CECR2: variants seen among roughly 807,000 people sequenced by gnomAD.
CECR2 encodes the protein CECR2 histone acetyl-lysine reader.
A neutral mutation model predicts 154.5 loss-of-function variants in CECR2; 30 were observed. The observed-to-expected ratio is 0.19, with a 90% CI of 0.15 to 0.26. The LOEUF is 0.26. Among genes scored for constraint, CECR2 ranks in the 10% least tolerant of loss-of-function variants. The pLI is 1.00. For synonymous variants in CECR2, 725 were observed against 683.7 expected (o/e 1.06, Z -0.94); for missense variants, 1,743 against 1,829.3 (o/e 0.95, Z 0.86).
chr22:17,483,206 A>G lies in CECR2; in HGVS notation c.221+5524A>G, dbSNP rs2055359922. Among the ~76,000 whole-genome samples the G allele has an allele frequency of 3.3e-5, 5 of 152,222 alleles. 1 individual carries two copies. The South Asian group carries it at 1.0e-3, about 31-fold the overall frequency. On this transcript the variant is annotated intron_variant, in intron 2 of 18. Transcript: ENST00000262608. ...TGTGTTTTTGTCTTCCTTTTGAACA[A>G]AACAGATCAAATGTAAAAAACAAAA...
At chr22:17,443,812 A>G (rs983600542) in intron 1 of CECR2, among the ~76,000 whole-genome samples, 3 of 152,074 alleles carry the variant, frequency 2.0e-5, no homozygotes, top group African/African-American at 7.2e-5. Context: ...AGCTCTTAAG[A>G]TCAGCCTGAC....
At chr22:17,476,006 C>T (rs1009340227) in intron 1 of CECR2, among the ~76,000 whole-genome samples, 11 of 150,662 alleles carry the variant, frequency 7.3e-5, no homozygotes, top group Non-Finnish European at 1.6e-4. Context: ...CATTGTCTCC[C>T]GAAGAAAGGC....
At chr22:17,390,353 C>G (rs1427296442) in intron 1 of CECR2, among the ~76,000 whole-genome samples, 1 of 152,316 alleles carries the variant, frequency 6.6e-6, no homozygotes, top group Middle Eastern at 3.4e-3. Context: ...GCAGTTACAT[C>G]ACTTTCATTG....
intron 13 of CECR2, 110 bp from the exon 14 acceptor site, chr22:17,540,302 A>T (rs1355403059): frequency 2.0e-6 from 2 of 1,014,126 alleles, no homozygotes; most frequent in East Asian, 5.9e-5. Flanking sequence ...ATTTATTAGA[A>T]TTGTCTTTTG....
chr22:17,532,734 TTG>T (rs2056377749), intron 9 of CECR2, among the ~76,000 whole-genome samples: 1 of 106,138 alleles, frequency 9.4e-6, no homozygotes, highest in African/African-American at 3.5e-5. Flanking sequence ...TTTTTTTTTT[TTG>T]AGATGGAGTC....
intron 8 of CECR2, among the ~76,000 whole-genome samples, chr22:17,519,459 C>T (rs2056118950): frequency 6.6e-6 from 1 of 151,962 alleles, no homozygotes; most frequent in Non-Finnish European, 1.5e-5. Flanking sequence ...CAGGGTTCAC[C>T]ACATTAGCCA....
At chr22:17,441,480 C>A (rs746987468) in intron 1 of CECR2, among the ~76,000 whole-genome samples, 1 of 152,124 alleles carries the variant, frequency 6.6e-6, no homozygotes, top group Non-Finnish European at 1.5e-5. Flanking sequence ...AAATCACTCA[C>A]CATGATTTGT....
In CECR2 at chr22:17,494,598, A is replaced by G. The variant is rs117386037; in HGVS notation, c.222-2805A>G. On this transcript the variant is annotated intron_variant, in intron 2 of 18. Transcript: ENST00000262608. ...CTGATTGTTAGAACTGTTACGCTGCATTTTGATAAAGCTGCCATACTCATG... is the reference window on the plus strand; with the variant it reads ...CTGATTGTTAGAACTGTTACGCTGCGTTTTGATAAAGCTGCCATACTCATG... 1.6e-3 allele frequency among the ~76,000 whole-genome samples: 243 copies of G among 152,328 alleles called. 9 individuals carry two copies. In the East Asian group the frequency reaches 0.043, roughly 27 times the overall value.
intron 1 of CECR2, among the ~76,000 whole-genome samples, chr22:17,459,012 A>C (rs763464480): frequency 2.0e-5 from 3 of 152,238 alleles, no homozygotes; most frequent in Non-Finnish European, 4.4e-5. Flanking sequence ...TTTGAGAAGA[A>C]AGCAACTTAT....
At chr22:17,461,060 A>G (rs1336922529) in intron 1 of CECR2, among the ~76,000 whole-genome samples, 3 of 152,180 alleles carry the variant, frequency 2.0e-5, no homozygotes, top group Admixed American at 6.5e-5. Flanking sequence ...AATTCGCAGC[A>G]TCAGGGAATC....
chr22:17,374,120 A>C (rs144186528), intron 1 of CECR2, among the ~76,000 whole-genome samples: 4 of 152,252 alleles, frequency 2.6e-5, no homozygotes, highest in Non-Finnish European at 5.9e-5. Context: ...GGTCGTGTAG[A>C]ATTATTTGAA....
At chr22:17,465,807 C>T (rs562027811) in intron 1 of CECR2, among the ~76,000 whole-genome samples, 1 of 152,168 alleles carries the variant, frequency 6.6e-6, no homozygotes, top group East Asian at 1.9e-4. Context: ...TTAGTAGAGA[C>T]AGGGTTTTGC....
Position 17,503,102 on chromosome 22 carries a change from C to T in CECR2, c.671C>T (p.Ser224Phe). ...TTCAGTGAAAAGCAGGAAGAAAATT[C>T]CTTGGCATCCGAGCCACAGACAAGA... ...ILLSEKQEEN[S>F]LASEPQTRHG... Residue 224 changes from serine (S) to phenylalanine (F), a missense_variant, in exon 6 of 19, where the codon TCC (serine) becomes TTC (phenylalanine). Coordinates refer to ENST00000262608, the MANE Select transcript of CECR2 (RefSeq NM_001290047.2). The T allele has an allele frequency of 6.2e-7, 1 of 1,610,866 alleles. No homozygotes were observed. The highest frequency in any genetic ancestry group is 8.5e-7 in the Non-Finnish European group (1 of 1,178,554).
At chr22:17,484,086 T>C (rs559197048) in intron 2 of CECR2, among the ~76,000 whole-genome samples, 13 of 152,348 alleles carry the variant, frequency 8.5e-5, no homozygotes, top group Non-Finnish European at 1.5e-4. Flanking sequence ...TAGTAGGCTC[T>C]ACCATCTAGG....
At chr22:17,515,706 C>T (rs978856833) in intron 8 of CECR2, among the ~76,000 whole-genome samples, 2 of 148,438 alleles carry the variant, frequency 1.3e-5, no homozygotes, top group African/African-American at 5.0e-5. Context: ...GACGGAGTCT[C>T]GCTCTGTCAC....
At chr22:17,424,187 C>T (rs1644711655) in intron 1 of CECR2, among the ~76,000 whole-genome samples, 1 of 152,018 alleles carries the variant, frequency 6.6e-6, no homozygotes, top group African/African-American at 2.4e-5. Flanking sequence ...ATCCTCCTGC[C>T]TCAGCCTCCC....
At chr22:17,484,038 C>T (rs1198220972) in intron 2 of CECR2, among the ~76,000 whole-genome samples, 1 of 152,176 alleles carries the variant, frequency 6.6e-6, no homozygotes, top group African/African-American at 2.4e-5. Context: ...AGGTTTGTAG[C>T]CTAGGAGCAG....
chr22:17,451,366 G>C (rs2054767179), intron 1 of CECR2, among the ~76,000 whole-genome samples: 1 of 152,148 alleles, frequency 6.6e-6, no homozygotes, highest in South Asian at 2.1e-4. Context: ...TACATTGTGT[G>C]GTGAAGGTAG....
intron 4 of CECR2, 48 bp from the exon 5 acceptor site, chr22:17,500,583 C>A (rs753149928): frequency 1.5e-6 from 2 of 1,295,928 alleles, no homozygotes; most frequent in Non-Finnish European, 2.1e-6. Context: ...TCATATGTAG[C>A]AATGCCAATC....
Sources: gnomAD v4.1 joint callset for allele counts (sites outside exome capture counted in the v4.1 genomes callset) on GRCh38, gnomAD v4.1.1 for gene constraint, MANE v1.5 for transcripts, NCBI Gene and HGNC (gene_info 2026-07-23, HGNC 2026-07-21) for gene names.